The following PTPRN2 variants were observed in gnomAD, a reference collection of about 807,000 sequenced individuals.
PTPRN2 encodes protein tyrosine phosphatase receptor type N2.
A neutral mutation model predicts 118.8 loss-of-function variants in PTPRN2; 74 were observed. That is an observed-to-expected ratio of 0.62 (90% CI 0.52 to 0.76). PTPRN2 has a LOEUF of 0.76. Among genes scored for constraint, PTPRN2 ranks in the 30% least tolerant of loss-of-function variants. PTPRN2 has a pLI of 0.00. For synonymous variants in PTPRN2, 641 were observed against 608.0 expected, an observed-to-expected ratio of 1.05 and a Z score of -0.80; for missense variants, 1,481 against 1,394.4, an observed-to-expected ratio of 1.06 and a Z score of -0.99.
chr7:158,281,119 C>T (rs1799396356), intron 3 of PTPRN2, among the ~76,000 whole-genome samples: 1 of 152,178 alleles, frequency 6.6e-6, no homozygotes, highest in African/African-American at 2.4e-5. Context: ...GCCTGATCAA[C>T]ATAGTGAACC....
At chr7:157,772,236 TAC>T (rs1193281828) in intron 12 of PTPRN2, among the ~76,000 whole-genome samples, 5 of 118,702 alleles carry the variant, frequency 4.2e-5, no homozygotes, top group Admixed American at 1.6e-4. Context: ...CACACACACA[TAC>T]ACACAGACAC....
At chr7:157,595,598 AGGAAGCCCGGAGGTTAGGAAG>A (rs1801277312) in intron 16 of PTPRN2, among the ~76,000 whole-genome samples, 14 of 144,538 alleles carry the variant, frequency 9.7e-5, no homozygotes, top group African/African-American at 3.6e-4. Flanking sequence ...CCTGGTGTTT[AGGAAGCCCGGAGGTTAGGAAG>A]CCAGGAGGTT....
At chr7:158,446,622 T>C (rs1289970846) in intron 2 of PTPRN2, among the ~76,000 whole-genome samples, 3 of 152,254 alleles carry the variant, frequency 2.0e-5, no homozygotes, top group Non-Finnish European at 4.4e-5. Context: ...ACGGAGCAGC[T>C]TGAAAATCCA....
At chr7:157,954,408 G>A (rs1438077167) in intron 11 of PTPRN2, among the ~76,000 whole-genome samples, 1 of 150,912 alleles carries the variant, frequency 6.6e-6, no homozygotes, top group African/African-American at 2.4e-5. Flanking sequence ...CCTGTGTACT[G>A]TGTGTGCTGT....
At chr7:158,583,102 T>C (rs768741511) in intron 1 of PTPRN2, among the ~76,000 whole-genome samples, 2 of 152,172 alleles carry the variant, frequency 1.3e-5, no homozygotes, top group African/African-American at 2.4e-5. Flanking sequence ...AGTCCCATAT[T>C]CCTCACTTTC....
intron 3 of PTPRN2, among the ~76,000 whole-genome samples, chr7:158,206,255 G>A (rs1827133466): frequency 6.6e-6 from 1 of 152,156 alleles, no homozygotes; most frequent in Non-Finnish European, 1.5e-5. Context: ...AGTAGGATAG[G>A]GCACTGGGCA....
intron 11 of PTPRN2, among the ~76,000 whole-genome samples, chr7:158,013,073 A>G (rs1236466757): frequency 6.6e-6 from 1 of 152,104 alleles, no homozygotes; most frequent in Non-Finnish European, 1.5e-5. Flanking sequence ...CTCATATATG[A>G]CTCGTAAGGC....
In PTPRN2 at chr7:157,674,620, A is replaced by G. The variant is rs939270372; in HGVS notation, c.2001+8105T>C. On this transcript the variant is annotated intron_variant, in intron 13 of 22. Coordinates refer to ENST00000389418, the MANE Select transcript of PTPRN2 (RefSeq NM_002847.5). The surrounding 1 kb of genome is among the most constrained non-coding windows in gnomAD (Gnocchi z 4.5). ...AATGCATTTCACCACAGATAATGCC[A>G]TTCACCACAGAGGCGCATTCTCTCT... 6.6e-6 allele frequency among the ~76,000 whole-genome samples: 1 copy of G among 152,198 alleles called. No individual in the cohort carries two copies. The highest frequency in any genetic ancestry group is 6.5e-5 in the Admixed American group (1 of 15,288).
At chr7:157,969,459 C>T (rs368801991) in intron 11 of PTPRN2, among the ~76,000 whole-genome samples, 1 of 152,130 alleles carries the variant, frequency 6.6e-6, no homozygotes, top group African/African-American at 2.4e-5. Flanking sequence ...TGGCCACTTG[C>T]CCACCTCTGA....
At chr7:158,238,914 C>G (rs1473314597) in intron 3 of PTPRN2, among the ~76,000 whole-genome samples, 2 of 141,384 alleles carry the variant, frequency 1.4e-5, no homozygotes, top group Admixed American at 6.7e-5. Flanking sequence ...GCCACGCAGC[C>G]CCCAGGACGC....
intron 12 of PTPRN2, among the ~76,000 whole-genome samples, chr7:157,882,947 AAC>A (rs954099641): frequency 6.6e-6 from 1 of 152,030 alleles, no homozygotes; most frequent in Non-Finnish European, 1.5e-5. Context: ...TGGAGAACAG[AAC>A]ACACCACCCC....
At chr7:157,580,409 G>A (rs140356447) in intron 17 of PTPRN2, among the ~76,000 whole-genome samples, 43 of 152,004 alleles carry the variant, frequency 2.8e-4, no homozygotes, top group African/African-American at 9.2e-4. Flanking sequence ...CGGCCCCCAT[G>A]GCCACCTGCA....
At chr7:158,279,421 C>T (rs11980243) in intron 3 of PTPRN2, among the ~76,000 whole-genome samples, 3,985 of 152,230 alleles carry the variant, frequency 0.026, 160 homozygotes, top group African/African-American at 0.089. Context: ...CACTGGTACT[C>T]GCTGCAGGAC....
intron 5 of PTPRN2, among the ~76,000 whole-genome samples, chr7:158,181,842 AT>A (rs1282887100): frequency 6.6e-6 from 1 of 152,086 alleles, no homozygotes; most frequent in African/African-American, 2.4e-5. Flanking sequence ...TGGTCCATCA[AT>A]TTTGTTTATA....
At chr7:158,273,690 GC>G (rs1339800759) in intron 3 of PTPRN2, among the ~76,000 whole-genome samples, 2 of 136,978 alleles carry the variant, frequency 1.5e-5, no homozygotes, top group Admixed American at 7.1e-5. Flanking sequence ...GACACAGGGA[GC>G]CGCAGACACA....
At chr7:158,031,750 G>A (rs1585235770) in intron 11 of PTPRN2, among the ~76,000 whole-genome samples, 1 of 152,342 alleles carries the variant, frequency 6.6e-6, no homozygotes, top group African/African-American at 2.4e-5. Flanking sequence ...GAAAGGTTAA[G>A]AGCTGGTAAA....
chr7:158,369,268 T>TACACACAC (rs59470664), intron 2 of PTPRN2, among the ~76,000 whole-genome samples: 63 of 144,946 alleles, frequency 4.3e-4, no homozygotes, highest in African/African-American at 1.6e-3. Flanking sequence ...TATACACACA[T>TACACACAC]ACACACACAC....
intron 2 of PTPRN2, among the ~76,000 whole-genome samples, chr7:158,340,056 C>A: frequency 1.3e-5 from 1 of 78,834 alleles, no homozygotes; most frequent in African/African-American, 4.6e-5. Context: ...CACTCACACC[C>A]ACACTGTCAC....
intron 9 of PTPRN2, among the ~76,000 whole-genome samples, chr7:158,132,146 TAC>T (rs533012193): frequency 0.072 from 10,494 of 145,886 alleles, 456 homozygotes; most frequent in Non-Finnish European, 0.097. Context: ...CACACGTACA[TAC>T]ACAGATACAC....
Sources: allele counts gnomAD v4.1 joint callset (sites outside exome capture counted in the v4.1 genomes callset), GRCh38; gene constraint gnomAD v4.1.1; non-coding constraint Gnocchi (gnomAD v3.1); transcripts MANE v1.5; gene names NCBI Gene and HGNC (gene_info 2026-07-23, HGNC 2026-07-21).